SCPPPQ1: variants seen among roughly 807,000 people sequenced by gnomAD.
The protein encoded by SCPPPQ1 is secretory calcium-binding phosphoprotein proline- and glutamine-rich 1.
the SCPPPQ1 span, among the ~76,000 whole-genome samples, chr4:87,467,998 G>A: frequency 5.3e-5 from 8 of 152,166 alleles, no homozygotes; most frequent in Admixed American, 5.2e-4. Flanking sequence ...GGAACTTTCA[G>A]CATATTGTTC....
chr4:87,464,927 C>T, the SCPPPQ1 span, among the ~76,000 whole-genome samples: 4 of 152,194 alleles, frequency 2.6e-5, no homozygotes, highest in African/African-American at 9.6e-5. Flanking sequence ...ACTGAATCCG[C>T]CTCATCTTAT....
the SCPPPQ1 span, among the ~76,000 whole-genome samples, chr4:87,465,299 A>T: frequency 6.6e-6 from 1 of 152,168 alleles, no homozygotes; most frequent in Admixed American, 6.5e-5. Flanking sequence ...AAATAAGGAA[A>T]GTTTCAGGTC....
the SCPPPQ1 span, among the ~76,000 whole-genome samples, chr4:87,461,676 G>A: frequency 6.6e-5 from 10 of 152,082 alleles, no homozygotes; most frequent in Non-Finnish European, 1.2e-4. Flanking sequence ...GGCTAAAGGG[G>A]GAACTTGAAA....
At chr4:87,467,936 A>G in the SCPPPQ1 span, among the ~76,000 whole-genome samples, 1 of 152,260 alleles carries the variant, frequency 6.6e-6, no homozygotes, top group Non-Finnish European at 1.5e-5. Flanking sequence ...GCAGACTTTT[A>G]AAATGATGAA....
chr4:87,470,584 C>T, the SCPPPQ1 span, among the ~76,000 whole-genome samples: 1 of 152,096 alleles, frequency 6.6e-6, no homozygotes, highest in African/African-American at 2.4e-5. Flanking sequence ...TGAAAGGAGA[C>T]ATTTTTATGT....
chr4:87,469,831 C>G, the SCPPPQ1 span, among the ~76,000 whole-genome samples: 3 of 152,054 alleles, frequency 2.0e-5, no homozygotes, highest in Admixed American at 1.3e-4. Context: ...AAGACATGCA[C>G]TGTTTAGCTC....
the SCPPPQ1 span, among the ~76,000 whole-genome samples, chr4:87,465,253 T>A: frequency 6.6e-6 from 1 of 152,156 alleles, no homozygotes; most frequent in Non-Finnish European, 1.5e-5. Context: ...AATTAAGTGC[T>A]TTTTCTACTG....
At chr4:87,464,091 C>T in the SCPPPQ1 span, among the ~76,000 whole-genome samples, 4 of 152,252 alleles carry the variant, frequency 2.6e-5, no homozygotes, top group South Asian at 2.1e-4. Flanking sequence ...CCTTTCTCTG[C>T]TCCCTACCTT....
the SCPPPQ1 span, among the ~76,000 whole-genome samples, chr4:87,467,611 C>T: frequency 6.6e-6 from 1 of 152,178 alleles, no homozygotes; most frequent in Non-Finnish European, 1.5e-5. Flanking sequence ...TGCGAGAGGG[C>T]ACTGAAGATT....
At chr4:87,464,179 C>T in the SCPPPQ1 span, among the ~76,000 whole-genome samples, 42 of 151,968 alleles carry the variant, frequency 2.8e-4, no homozygotes, top group African/African-American at 1.0e-3. Flanking sequence ...ATATTTACCG[C>T]GATAAGATCA....
the SCPPPQ1 span, among the ~76,000 whole-genome samples, chr4:87,464,925 C>A: frequency 1.3e-5 from 2 of 152,056 alleles, no homozygotes; most frequent in Non-Finnish European, 2.9e-5. Context: ...ATACTGAATC[C>A]GCCTCATCTT....
chr4:87,461,877 C>CGTTGTGGA, the SCPPPQ1 span: 386 of 151,800 alleles, frequency 2.5e-3, no homozygotes, highest in African/African-American at 8.8e-3. Flanking sequence ...ATTAATTTAC[C>CGTTGTGGA]GTTGTGGACA....
At chr4:87,467,701 G>C in the SCPPPQ1 span, among the ~76,000 whole-genome samples, 14 of 152,146 alleles carry the variant, frequency 9.2e-5, no homozygotes, top group Non-Finnish European at 1.9e-4. Context: ...GATTCCTGGG[G>C]ACTGCCTAAA....
the SCPPPQ1 span, among the ~76,000 whole-genome samples, chr4:87,469,398 A>G: frequency 2.0e-5 from 3 of 152,218 alleles, no homozygotes; most frequent in Non-Finnish European, 2.9e-5. Flanking sequence ...CAGCTAGCAC[A>G]TGGCATATGG....
At chr4:87,461,326 G>A in the SCPPPQ1 span, among the ~76,000 whole-genome samples, 2 of 152,166 alleles carry the variant, frequency 1.3e-5, no homozygotes, top group African/African-American at 4.8e-5. Context: ...TCTGTCTGTT[G>A]TATTCCCTAC....
the SCPPPQ1 span, among the ~76,000 whole-genome samples, chr4:87,468,406 C>T: frequency 6.6e-6 from 1 of 152,166 alleles, no homozygotes; most frequent in Non-Finnish European, 1.5e-5. Flanking sequence ...GCACCCCAAA[C>T]ACAAATTTTG....
chr4:87,468,180 G>A, the SCPPPQ1 span, among the ~76,000 whole-genome samples: 3 of 152,130 alleles, frequency 2.0e-5, no homozygotes, highest in African/African-American at 7.2e-5. Flanking sequence ...TATCTAATAG[G>A]GAAAAGTTTA....
the SCPPPQ1 span, among the ~76,000 whole-genome samples, chr4:87,461,347 A>C: frequency 6.2e-4 from 94 of 152,222 alleles, no homozygotes; most frequent in Non-Finnish European, 1.1e-3. Flanking sequence ...TAAGGTTAAG[A>C]GTCTTTTATG....
chr4:87,470,407 G>C, the SCPPPQ1 span, among the ~76,000 whole-genome samples: 818 of 152,184 alleles, frequency 5.4e-3, 12 homozygotes, highest in African/African-American at 0.019. Context: ...GACTTACCAG[G>C]CCTTCATATA....
Sources: allele counts gnomAD v4.1 joint callset (sites outside exome capture counted in the v4.1 genomes callset), GRCh38; gene constraint gnomAD v4.1.1; transcripts MANE v1.5; gene names NCBI Gene and HGNC (gene_info 2026-07-23, HGNC 2026-07-21).